The following NOX3 variants were observed in gnomAD, a reference collection of about 807,000 sequenced individuals.
The protein encoded by NOX3 is NADPH oxidase 3, also known as NADPH oxidase catalytic subunit-like 3.
A neutral mutation model predicts 76.7 loss-of-function variants in NOX3; 74 were observed. The ratio of observed to expected loss-of-function variants is 0.96; its 90% CI spans 0.80 to 1.17. NOX3 has a LOEUF of 1.17. NOX3 is among the 50% of genes most tolerant of loss of function. NOX3 has a pLI of 0.00. For missense variants in NOX3, 695 were observed against 703.3 expected, an observed-to-expected ratio of 0.99 and a Z score of 0.13; for synonymous variants, 263 against 261.1, an observed-to-expected ratio of 1.01 and a Z score of -0.07.
intron 3 of NOX3, 98 bp downstream of exon 3, chr6:155,454,713 A>G (rs2114712882): frequency 2.8e-6 from 2 of 718,280 alleles, no homozygotes; most frequent in African/African-American, 3.6e-5. Context: ...TTTAAACAGA[A>G]TTACTGAGAA....
At chr6:155,425,974 T>C (rs1776750193) in intron 9 of NOX3, among the ~76,000 whole-genome samples, 1 of 152,202 alleles carries the variant, frequency 6.6e-6, no homozygotes, top group Non-Finnish European at 1.5e-5. Context: ...CACTCACAAA[T>C]TCCAGGGGCT....
chr6:155,417,691 T>C (rs1776638047), intron 10 of NOX3, among the ~76,000 whole-genome samples: 1 of 152,146 alleles, frequency 6.6e-6, no homozygotes, highest in African/African-American at 2.4e-5. Context: ...TGAAAGTAAA[T>C]AATTTCTCAA....
intron 10 of NOX3, among the ~76,000 whole-genome samples, chr6:155,420,656 A>G (rs1025312889): frequency 6.6e-5 from 10 of 152,182 alleles, no homozygotes; most frequent in African/African-American, 2.4e-4. Flanking sequence ...TAGTAAAATG[A>G]CTGTCATTTC....
chr6:155,409,501 A>G (rs1176689224), intron 11 of NOX3, among the ~76,000 whole-genome samples: 1 of 152,128 alleles, frequency 6.6e-6, no homozygotes, highest in Admixed American at 6.5e-5. Context: ...AACATTTGGA[A>G]TGATATTTGT....
Position 155,436,344 on chromosome 6 carries a change from T to A in NOX3, c.798+74A>T, listed in dbSNP as rs1582942363. 4 of 1,558,846 alleles carry A rather than the reference T, an allele frequency of 2.6e-6. No homozygotes were observed. In the East Asian group the frequency reaches 9.0e-5, roughly 35 times the overall value. Reference sequence around the variant, plus strand: ...CTAGTGGTGAAATGTGCTTTCTTTTTTCCAAGCCTATAAAAACTCTGTATT... The same window carrying A: ...CTAGTGGTGAAATGTGCTTTCTTTTATCCAAGCCTATAAAAACTCTGTATT... On this transcript the variant is annotated intron_variant, in intron 7 of 13. Coordinates refer to ENST00000159060, the MANE Select transcript of NOX3 (RefSeq NM_015718.3).
At chr6:155,398,258 A>C (rs1647400006) in intron 12 of NOX3, among the ~76,000 whole-genome samples, 1 of 152,086 alleles carries the variant, frequency 6.6e-6, no homozygotes, top group South Asian at 2.1e-4. Flanking sequence ...TTTAGTGAGG[A>C]TCTCGGGTGG....
intron 9 of NOX3, 131 bp downstream of exon 9, chr6:155,428,663 C>A: frequency 1.3e-6 from 1 of 775,088 alleles, no homozygotes; most frequent in African/African-American, 1.8e-5. Context: ...TACACACATT[C>A]TCAAATTTAG....
rs141094091 is a variant in NOX3, at chr6:155,400,574, T to C, written c.1581-3612A>G. On this transcript the variant is annotated intron_variant, in intron 12 of 13. Coordinates refer to ENST00000159060, the MANE Select transcript of NOX3 (RefSeq NM_015718.3). The stretch of plus-strand genomic sequence containing the variant: ...ATTAGAAATGCCTCCAAATGATTCA[T>C]CACATAATTATATTTTGTACAACAC... Among the ~76,000 whole-genome samples the C allele has an allele frequency of 6.0e-3, 911 of 152,168 alleles. 10 individuals are homozygous for C. The highest frequency in any genetic ancestry group is 0.021 in the African/African-American group (873 of 41,530).
chr6:155,442,637 G>A (rs1022530866), intron 5 of NOX3, among the ~76,000 whole-genome samples: 69 of 152,346 alleles, frequency 4.5e-4, no homozygotes, highest in African/African-American at 1.5e-3. Flanking sequence ...GGAGACGACC[G>A]TCTTCATCTC....
intron 11 of NOX3, among the ~76,000 whole-genome samples, chr6:155,409,768 T>G (rs1306622924): frequency 6.6e-6 from 1 of 152,214 alleles, no homozygotes; most frequent in East Asian, 1.9e-4. Flanking sequence ...TTTCAACATG[T>G]CATGGCAAAA....
At chr6:155,405,368 T>C (rs1376331121) in intron 12 of NOX3, among the ~76,000 whole-genome samples, 1 of 152,204 alleles carries the variant, frequency 6.6e-6, no homozygotes, top group Non-Finnish European at 1.5e-5. Context: ...GACCTGTCAA[T>C]ACAGTGTCTG....
chr6:155,406,505 T>C (rs1399218944), intron 12 of NOX3, among the ~76,000 whole-genome samples: 1 of 152,238 alleles, frequency 6.6e-6, no homozygotes, highest in Admixed American at 6.5e-5. Context: ...ATAGCAGTGA[T>C]AGCAGCTAGT....
rs369572358 is a variant in NOX3, at chr6:155,422,843, C to G, written c.1159G>C (p.Gly387Arg). The G allele has an allele frequency of 2.2e-5, 36 of 1,614,012 alleles. No individual in the cohort carries two copies. Among genetic ancestry groups the G allele is most frequent in the Non-Finnish European group, 3.1e-5 (36 of 1,179,988 alleles). Reference sequence around the variant, plus strand: ...TCTGTCAGGGCAGTTCCAAAGGGCCCGTCCACTGCCAGCCTGGAATCATAG... The same window carrying G: ...TCTGTCAGGGCAGTTCCAAAGGGCCGGTCCACTGCCAGCCTGGAATCATAG... ...PWSLPRLAVDGPFGTALTDVF... is the reference protein window; with the variant it reads ...PWSLPRLAVDRPFGTALTDVF... The change falls in exon 10 of 14, where the codon GGG becomes CGG. Residue 387 changes from glycine (G) to arginine (R), a missense_variant. Transcript: ENST00000159060.
At chr6:155,453,378 C>A (rs772898890) in intron 4 of NOX3, 26 bp downstream of exon 4, 30 of 1,508,372 alleles carry the variant, frequency 2.0e-5, no homozygotes, top group Non-Finnish European at 2.4e-5. Context: ...ATTGTAAAAT[C>A]CATTGAGCAA....
At chr6:155,434,872 C>T (rs1399825461) in intron 7 of NOX3, among the ~76,000 whole-genome samples, 1 of 152,258 alleles carries the variant, frequency 6.6e-6, no homozygotes, top group Admixed American at 6.5e-5. Context: ...GAACAGTGAA[C>T]CGCTGAAGGA....
chr6:155,452,435 T>G (rs1463152420), intron 4 of NOX3, among the ~76,000 whole-genome samples: 2 of 152,182 alleles, frequency 1.3e-5, no homozygotes, highest in Non-Finnish European at 2.9e-5. Flanking sequence ...CTTTTTACTC[T>G]TATTTCCTAA....
At chr6:155,412,913 G>A (rs576652939) in intron 10 of NOX3, among the ~76,000 whole-genome samples, 1 of 152,342 alleles carries the variant, frequency 6.6e-6, no homozygotes, top group East Asian at 1.9e-4. Flanking sequence ...TGATAGATAA[G>A]TAGAATATAG....
intron 7 of NOX3, 115 bp from the exon 8 acceptor site, chr6:155,431,050 C>A: frequency 1.5e-6 from 1 of 650,630 alleles, no homozygotes; most frequent in Admixed American, 2.8e-5. Flanking sequence ...TTTCCTTTAA[C>A]TTTGGGCCAG....
Position 155,430,983 on chromosome 6 carries a change from T to C in NOX3, c.799-48A>G, listed in dbSNP as rs746296610. On this transcript the variant is annotated intron_variant, in intron 7 of 13. Transcript: ENST00000159060. The stretch of plus-strand genomic sequence containing the variant: ...AGAGAAAAAGGAAATGAAAATAGAA[T>C]CCAAATATTTTCAATTTGAACCAAA... 6.0e-6 allele frequency: 7 copies of C among 1,172,298 alleles called. No homozygotes were observed. The East Asian group carries it at 1.6e-4, about 28-fold the overall frequency. 72.6% of individuals were successfully genotyped at this position (1,172,298 alleles called of 1,614,324 possible). A position where few individuals can be genotyped will look rare whatever the true frequency, so the allele number is the denominator to read the frequency against.
Sources: gnomAD v4.1 joint callset for allele counts (sites outside exome capture counted in the v4.1 genomes callset) on GRCh38, gnomAD v4.1.1 for gene constraint, MANE v1.5 for transcripts, NCBI Gene and HGNC (gene_info 2026-07-23, HGNC 2026-07-21) for gene names.